EEIG1: variants seen among roughly 807,000 people sequenced by gnomAD.
EEIG1 encodes early estrogen-induced gene 1 protein.
At chr9:127,980,689 A>AC in the EEIG1 span, among the ~76,000 whole-genome samples, 1 of 149,018 alleles carries the variant, frequency 6.7e-6, no homozygotes, top group Non-Finnish European at 1.5e-5. Context: ...AAGGTGGGGC[A>AC]CCCCCAGGGG....
At chr9:127,950,160 G>A in the EEIG1 span, among the ~76,000 whole-genome samples, 2 of 152,226 alleles carry the variant, frequency 1.3e-5, no homozygotes, top group Non-Finnish European at 2.9e-5. Flanking sequence ...TCAGCATGAC[G>A]TGAACCCACT....
chr9:127,953,676 C>G, the EEIG1 span: 1 of 1,602,804 alleles, frequency 6.2e-7, no homozygotes, highest in Non-Finnish European at 8.5e-7. Flanking sequence ...CTCCCACAAT[C>G]CCCCCAGATC....
chr9:127,961,921 G>A, the EEIG1 span, among the ~76,000 whole-genome samples: 1 of 152,260 alleles, frequency 6.6e-6, no homozygotes, highest in African/African-American at 2.4e-5. Flanking sequence ...GGAGACTGGA[G>A]AGGCAGCCTT....
the EEIG1 span, chr9:127,943,160 C>CAGGACTCTT: frequency 6.2e-7 from 1 of 1,611,006 alleles, no homozygotes; most frequent in Non-Finnish European, 8.5e-7. Context: ...CCAGAGAAAG[C>CAGGACTCTT]AGGACTCTTC....
chr9:127,956,420 A>AT, the EEIG1 span, among the ~76,000 whole-genome samples: 2 of 152,124 alleles, frequency 1.3e-5, no homozygotes, highest in African/African-American at 4.8e-5. Context: ...TTATTTATTT[A>AT]TTTTTTTGAG....
At chr9:127,963,326 TG>T in the EEIG1 span, among the ~76,000 whole-genome samples, 1 of 152,258 alleles carries the variant, frequency 6.6e-6, no homozygotes. Flanking sequence ...TGGGACCTGC[TG>T]GCAGGGCTGG....
At chr9:127,947,616 G>GGGA in the EEIG1 span, among the ~76,000 whole-genome samples, 113 of 152,098 alleles carry the variant, frequency 7.4e-4, no homozygotes, top group Non-Finnish European at 1.4e-3. Context: ...TAGAGTATGT[G>GGGA]GGAGAGCAAG....
At chr9:127,950,245 G>A in the EEIG1 span, among the ~76,000 whole-genome samples, 33 of 152,178 alleles carry the variant, frequency 2.2e-4, no homozygotes, top group Admixed American at 1.5e-3. Flanking sequence ...GGCCAACAGC[G>A]GAGCCAGGCC....
chr9:127,948,046 G>A, the EEIG1 span: 2 of 1,598,298 alleles, frequency 1.3e-6, no homozygotes, highest in South Asian at 2.2e-5. Context: ...TAGCAGGGGA[G>A]GGGCGGACAG....
chr9:127,969,071 A>G, the EEIG1 span, among the ~76,000 whole-genome samples: 1 of 152,226 alleles, frequency 6.6e-6, no homozygotes, highest in Non-Finnish European at 1.5e-5. Context: ...TGTGGCCAAC[A>G]TAAAAAACCC....
chr9:127,978,986 C>A, the EEIG1 span, among the ~76,000 whole-genome samples: 1 of 151,996 alleles, frequency 6.6e-6, no homozygotes, highest in South Asian at 2.1e-4. Flanking sequence ...CACTGCACTC[C>A]AGCCTGGGCA....
the EEIG1 span, among the ~76,000 whole-genome samples, chr9:127,957,878 T>G: frequency 6.6e-6 from 1 of 152,204 alleles, no homozygotes; most frequent in Non-Finnish European, 1.5e-5. Flanking sequence ...CTAGGCATGA[T>G]GGCATGTGCC....
chr9:127,973,505 TGCTGCCAG>T, the EEIG1 span, among the ~76,000 whole-genome samples: 1 of 152,184 alleles, frequency 6.6e-6, no homozygotes, highest in African/African-American at 2.4e-5. The surrounding 1 kb of genome is among the most constrained non-coding windows in gnomAD (Gnocchi z 4.2). Context: ...GGGTCAGGGC[TGCTGCCAG>T]GCTGGCAGGT....
At chr9:127,973,955 A>C in the EEIG1 span, among the ~76,000 whole-genome samples, 1 of 152,264 alleles carries the variant, frequency 6.6e-6, no homozygotes, top group East Asian at 1.9e-4. The surrounding 1 kb of genome is among the most constrained non-coding windows in gnomAD (Gnocchi z 4.2). Context: ...ACGCCGCCAC[A>C]CAGCACTGCT....
chr9:127,949,822 T>C, the EEIG1 span, among the ~76,000 whole-genome samples: 26 of 152,284 alleles, frequency 1.7e-4, no homozygotes, highest in African/African-American at 6.0e-4. Flanking sequence ...CACCCAGACA[T>C]TTCTGTTCCC....
the EEIG1 span, among the ~76,000 whole-genome samples, chr9:127,964,053 C>T: frequency 6.6e-6 from 1 of 152,118 alleles, no homozygotes; most frequent in African/African-American, 2.4e-5. Flanking sequence ...AGGGAAGACC[C>T]AGAAGGAGGG....
At chr9:127,980,318 G>C in the EEIG1 span, 5 of 579,040 alleles carry the variant, frequency 8.6e-6, no homozygotes, top group South Asian at 9.1e-5. Context: ...AGTCCAGTTC[G>C]CGGGCCGGCG....
At chr9:127,948,769 A>G in the EEIG1 span, among the ~76,000 whole-genome samples, 1 of 152,238 alleles carries the variant, frequency 6.6e-6, no homozygotes, top group African/African-American at 2.4e-5. Flanking sequence ...GGCCCTGTGT[A>G]AGGACCACAG....
At chr9:127,949,197 C>T in the EEIG1 span, among the ~76,000 whole-genome samples, 1 of 151,634 alleles carries the variant, frequency 6.6e-6, no homozygotes, top group East Asian at 1.9e-4. Context: ...ACCTGTAGTC[C>T]CAGCTACTCG....
Sources: gnomAD v4.1 joint callset for allele counts (sites outside exome capture counted in the v4.1 genomes callset) on GRCh38, gnomAD v4.1.1 for gene constraint, Gnocchi (gnomAD v3.1) non-coding constraint, MANE v1.5 for transcripts, NCBI Gene and HGNC (gene_info 2026-07-23, HGNC 2026-07-21) for gene names.